The following CNTN3 variants were observed in gnomAD, a reference collection of about 807,000 sequenced individuals.
The protein encoded by CNTN3 is contactin-3.
CNTN3 carries 60 observed loss-of-function variants against 119.1 expected under a neutral mutation model. That is an observed-to-expected ratio of 0.50 (90% CI 0.41 to 0.62). The LOEUF (loss-of-function observed/expected upper bound fraction) is 0.62, where lower values mean the gene tolerates loss of function less well. CNTN3 is among the 20% of genes least tolerant of loss of function. The pLI, the probability that CNTN3 is intolerant of heterozygous loss-of-function variation, is 0.00. For missense variants in CNTN3, 1,101 were observed against 1,242.4 expected (o/e 0.89, Z 1.71); for synonymous variants, 450 against 438.7 (o/e 1.03, Z -0.32).
intron 4 of CNTN3, among the ~76,000 whole-genome samples, chr3:74,481,944 T>C (rs1452278616): frequency 6.6e-6 from 1 of 151,632 alleles, no homozygotes; most frequent in Non-Finnish European, 1.5e-5. Flanking sequence ...AAAACATAAA[T>C]GAAATGGATA....
At chr3:74,543,423 T>C (rs1703869504) in intron 1 of CNTN3, among the ~76,000 whole-genome samples, 1 of 152,158 alleles carries the variant, frequency 6.6e-6, no homozygotes, top group African/African-American at 2.4e-5. Flanking sequence ...TACTTATCTC[T>C]GTTTTCTAAA....
chr3:74,348,613 T>G (rs985768226), intron 11 of CNTN3, among the ~76,000 whole-genome samples: 1 of 152,168 alleles, frequency 6.6e-6, no homozygotes, highest in Non-Finnish European at 1.5e-5. Flanking sequence ...TTGGGCTTCA[T>G]GAGAGGAGAG....
intron 19 of CNTN3, among the ~76,000 whole-genome samples, chr3:74,288,163 T>TC (rs199724318): frequency 6.1e-5 from 9 of 146,416 alleles, no homozygotes; most frequent in South Asian, 2.2e-4. Context: ...TCTTTTCTTT[T>TC]TTTTTTTTTT....
intron 1 of CNTN3, among the ~76,000 whole-genome samples, chr3:74,575,994 A>T (rs1704409758): frequency 6.6e-6 from 1 of 151,886 alleles, no homozygotes; most frequent in South Asian, 2.1e-4. Flanking sequence ...TACACTAACC[A>T]ACCCCTCCCC....
intron 7 of CNTN3, 107 bp downstream of exon 7, chr3:74,369,782 G>T: frequency 1.6e-6 from 1 of 621,376 alleles, no homozygotes; most frequent in Non-Finnish European, 2.8e-6. Context: ...GCCTCAAAAT[G>T]AAAGTAAATT....
intron 4 of CNTN3, among the ~76,000 whole-genome samples, chr3:74,425,934 C>T (rs1398567624): frequency 6.6e-6 from 1 of 151,886 alleles, no homozygotes; most frequent in Admixed American, 6.6e-5. Flanking sequence ...TTATTTATAG[C>T]GGCTAAAAAT....
At chr3:74,452,367 T>C (rs1397469746) in intron 4 of CNTN3, among the ~76,000 whole-genome samples, 3 of 127,950 alleles carry the variant, frequency 2.3e-5, no homozygotes, top group Admixed American at 1.7e-4. Flanking sequence ...ATTGATTTTG[T>C]ATCCTGAGAC....
intron 8 of CNTN3, among the ~76,000 whole-genome samples, chr3:74,366,957 C>T (rs1360401568): frequency 7.0e-6 from 1 of 143,316 alleles, no homozygotes; most frequent in East Asian, 2.1e-4. Context: ...ACCCGAGTTT[C>T]TAAAAAAAAA....
At chr3:74,407,267 T>A (rs1195324260) in intron 5 of CNTN3, among the ~76,000 whole-genome samples, 16 of 139,444 alleles carry the variant, frequency 1.1e-4, no homozygotes, top group Admixed American at 8.7e-4. Flanking sequence ...ATATTCTATT[T>A]TTTTTTTTTT....
At chr3:74,405,919 G>T (rs953676409) in intron 5 of CNTN3, among the ~76,000 whole-genome samples, 2 of 152,016 alleles carry the variant, frequency 1.3e-5, no homozygotes, top group Non-Finnish European at 2.9e-5. Context: ...AGCCATTTTT[G>T]AATTATCCAG....
chr3:74,321,860 A>G (rs75480346), intron 13 of CNTN3, among the ~76,000 whole-genome samples: 2,368 of 152,310 alleles, frequency 0.016, 19 homozygotes, highest in Middle Eastern at 0.02. Flanking sequence ...GATAACACAA[A>G]TAGTCTTACA....
chr3:74,317,810 T>G (rs1020822819), intron 13 of CNTN3, among the ~76,000 whole-genome samples: 4 of 152,180 alleles, frequency 2.6e-5, no homozygotes, highest in African/African-American at 9.7e-5. Flanking sequence ...CTGACAATTA[T>G]GTGTCTTGGA....
chr3:74,591,913 G>A (rs1237935881), intron 1 of CNTN3, among the ~76,000 whole-genome samples: 1 of 151,858 alleles, frequency 6.6e-6, no homozygotes, highest in African/African-American at 2.4e-5. Flanking sequence ...AAGCACCAGA[G>A]ATGTAGAGAG....
chr3:74,287,505 C>T (rs1484971513), intron 19 of CNTN3, among the ~76,000 whole-genome samples: 3 of 152,100 alleles, frequency 2.0e-5, no homozygotes, highest in Admixed American at 6.5e-5. Flanking sequence ...TATGTTCATA[C>T]TAATAGATTT....
chr3:74,354,941 T>C (rs1034949571), intron 11 of CNTN3, among the ~76,000 whole-genome samples: 1 of 152,106 alleles, frequency 6.6e-6, no homozygotes, highest in Non-Finnish European at 1.5e-5. Context: ...TAAAGACATC[T>C]ACCCTTCCTA....
chr3:74,330,426 C>A (rs1026780098), intron 13 of CNTN3, among the ~76,000 whole-genome samples: 2 of 151,922 alleles, frequency 1.3e-5, no homozygotes, highest in Admixed American at 6.6e-5. Context: ...CAATGCCTTA[C>A]TGATGCATTT....
chr3:74,538,717 C>T (rs1013572393), intron 1 of CNTN3, among the ~76,000 whole-genome samples: 2 of 152,100 alleles, frequency 1.3e-5, no homozygotes, highest in Non-Finnish European at 2.9e-5. Context: ...GTAGGTGGTG[C>T]TTTTCTGTGA....
intron 20 of CNTN3, among the ~76,000 whole-genome samples, chr3:74,276,579 C>T (rs1049751712): frequency 4.6e-5 from 7 of 151,802 alleles, no homozygotes; most frequent in African/African-American, 1.2e-4. Flanking sequence ...AAGAATTATT[C>T]GAATTGAACA....
At chr3:74,347,053 T>C (rs1424432953) in intron 11 of CNTN3, among the ~76,000 whole-genome samples, 2 of 152,118 alleles carry the variant, frequency 1.3e-5, no homozygotes, top group Non-Finnish European at 2.9e-5. Context: ...GCAGTAAGTG[T>C]TTTGGAAAAT....
Sources: allele counts gnomAD v4.1 joint callset (sites outside exome capture counted in the v4.1 genomes callset), GRCh38; gene constraint gnomAD v4.1.1; transcripts MANE v1.5; gene names NCBI Gene and HGNC (gene_info 2026-07-23, HGNC 2026-07-21).